NLRC5: variants seen among roughly 807,000 people sequenced by gnomAD.
NLRC5 encodes protein NLRC5.
In NLRC5, 114 loss-of-function variants were observed where a neutral mutation model predicts 206.9. The ratio of observed to expected loss-of-function variants is 0.55; its 90% confidence interval spans 0.47 to 0.64. The LOEUF is 0.64. Among genes scored for constraint, NLRC5 ranks in the 30% least tolerant of loss-of-function variants. The pLI, the probability that NLRC5 is intolerant of heterozygous loss-of-function variation, is 0.00. For synonymous variants in NLRC5, 952 were observed against 962.8 expected (o/e 0.99, Z 0.21); for missense variants, 2,008 against 2,305.5 (o/e 0.87, Z 2.64).
Position 57,077,348 on chromosome 16 carries a change from C to T in NLRC5, c.4888C>T (p.Leu1630=). Residue 1630 remains leucine, a synonymous_variant, in exon 41 of 49, where the codon CTG becomes TTG. Coordinates refer to ENST00000688547, the MANE Select transcript of NLRC5 (RefSeq NM_001384950.1). ...DAGVQHLATI[L]PGLPELRKID... ...TGGTGTCCAGCACTTAGCTACCATC[C>T]TGCCTGGGCTGCCAGAGCTCAGGAA... The T allele has an allele frequency of 1.9e-6, 3 of 1,614,048 alleles. No individual in the cohort carries two copies. The highest frequency in any genetic ancestry group is 2.5e-6 in the Non-Finnish European group (3 of 1,179,992).
intron 1 of NLRC5, among the ~76,000 whole-genome samples, chr16:57,010,399 C>T (rs752393650): frequency 1.3e-4 from 20 of 152,026 alleles, no homozygotes; most frequent in Non-Finnish European, 2.5e-4. Flanking sequence ...TTTTGACATG[C>T]GGTCTCACTC....
intron 5 of NLRC5, 64 bp from the exon 6 acceptor site, chr16:57,025,304 G>A: frequency 6.7e-7 from 1 of 1,501,016 alleles, no homozygotes; most frequent in Non-Finnish European, 8.9e-7. Context: ...CAATACTGGG[G>A]CAAGAAGACA....
intron 1 of NLRC5, chr16:57,013,620 G>C (rs1472509483): frequency 2.9e-6 from 3 of 1,048,746 alleles, no homozygotes; most frequent in Non-Finnish European, 4.5e-6. Flanking sequence ...GTCATTAACT[G>C]GGCCATTGTT....
chr16:56,994,708 AG>A (rs2057388344), intron 1 of NLRC5, among the ~76,000 whole-genome samples: 1 of 152,092 alleles, frequency 6.6e-6, no homozygotes, highest in African/African-American at 2.4e-5. Context: ...CTGGAGGAAG[AG>A]GGAACCAGTC....
In NLRC5 at chr16:57,047,648, C is replaced by G. The variant is rs1228318985; in HGVS notation, c.3422+20C>G. 3 of 1,598,342 alleles carry G rather than the reference C, an allele frequency of 1.9e-6. No homozygotes were observed. The highest frequency in any genetic ancestry group is 2.6e-6 in the Non-Finnish European group (3 of 1,169,028). On this transcript the variant is annotated intron_variant, in intron 23 of 48. Transcript: ENST00000688547. ...ACTGCAGTAAGTAACGAGGACACAGCCCCAGAGGGCACCATGTGGGGATCT... is the reference window on the plus strand; with the variant it reads ...ACTGCAGTAAGTAACGAGGACACAGGCCCAGAGGGCACCATGTGGGGATCT...
intron 42 of NLRC5, 56 bp from the exon 43 acceptor site, chr16:57,077,887 C>CG: frequency 6.2e-7 from 1 of 1,605,606 alleles, no homozygotes; most frequent in Non-Finnish European, 8.5e-7. Flanking sequence ...CAGGGCAGGG[C>CG]GGGGGTCCCG....
At chr16:56,998,637 G>T (rs2057907864) in intron 1 of NLRC5, among the ~76,000 whole-genome samples, 1 of 152,152 alleles carries the variant, frequency 6.6e-6, no homozygotes, top group Non-Finnish European at 1.5e-5. Flanking sequence ...CATGCTCTTA[G>T]CCTCTAAGTT....
chr16:57,053,811 G>A (rs1430039910), intron 24 of NLRC5, among the ~76,000 whole-genome samples: 1 of 152,176 alleles, frequency 6.6e-6, no homozygotes, highest in Non-Finnish European at 1.5e-5. Flanking sequence ...TTACAGGCAG[G>A]AGCCACTGCA....
intron 1 of NLRC5, among the ~76,000 whole-genome samples, chr16:57,000,017 C>T (rs1479957573): frequency 6.6e-6 from 1 of 152,192 alleles, no homozygotes; most frequent in East Asian, 1.9e-4. Flanking sequence ...GAGTGTGGCC[C>T]ATTGGGATTT....
intron 28 of NLRC5, 46 bp downstream of exon 28, chr16:57,058,194 C>T (rs1324574901): frequency 1.3e-6 from 2 of 1,518,448 alleles, no homozygotes; most frequent in Admixed American, 3.7e-5. Flanking sequence ...GAGGAAGGCT[C>T]CCCTAGGCCA....
rs539627567 is a variant in NLRC5 at position 57,020,829 on chromosome 16, G to T, written c.117G>T (p.Thr39=). Residue 39 remains threonine, a synonymous_variant, in exon 3 of 49, where the codon ACG becomes ACT. Coordinates refer to ENST00000688547, the MANE Select transcript of NLRC5 (RefSeq NM_001384950.1). ...AGATGAAGTTCTTCCTCCCCAACAC[G>T]GACCTGGATTCCAGGAACGAGACCT... The part of the protein sequence containing the change: ...NAKMKFFLPN[T]DLDSRNETLD... 4 of 1,613,338 alleles carry T rather than the reference G, an allele frequency of 2.5e-6. 1 individual carries two copies. The South Asian group carries it at 3.3e-5, about 13-fold the overall frequency.
intron 10 of NLRC5, among the ~76,000 whole-genome samples, chr16:57,030,936 A>C (rs947295364): frequency 1.1e-4 from 17 of 152,160 alleles, no homozygotes; most frequent in Admixed American, 5.9e-4. Flanking sequence ...TAGTCTCTAC[A>C]AAAAATGAAC....
intron 18 of NLRC5, 82 bp downstream of exon 18, chr16:57,041,656 G>C: frequency 8.8e-7 from 1 of 1,141,328 alleles, no homozygotes; most frequent in South Asian, 1.3e-5. Context: ...TGGTTTTTAA[G>C]ATTTAGATCA....
chr16:57,030,276 A>T (rs1358501186), intron 10 of NLRC5, among the ~76,000 whole-genome samples, 192 bp downstream of exon 10: 1 of 152,170 alleles, frequency 6.6e-6, no homozygotes, highest in Non-Finnish European at 1.5e-5. Flanking sequence ...GAATTAATGG[A>T]TGGATGAAAA....
intron 5 of NLRC5, 107 bp from the exon 6 acceptor site, chr16:57,025,261 A>G: frequency 6.8e-7 from 1 of 1,473,742 alleles, no homozygotes; most frequent in Non-Finnish European, 8.9e-7. Context: ...CCCATCATAC[A>G]TACACATCTG....
At chr16:57,016,767 G>A (rs139864361) in intron 1 of NLRC5, among the ~76,000 whole-genome samples, 5 of 152,304 alleles carry the variant, frequency 3.3e-5, no homozygotes, top group African/African-American at 7.2e-5. Flanking sequence ...GACTTGCAGG[G>A]CTCATTGTGA....
intron 1 of NLRC5, among the ~76,000 whole-genome samples, chr16:57,000,803 G>A (rs2058152868): frequency 1.3e-5 from 2 of 152,160 alleles, no homozygotes; most frequent in Admixed American, 1.3e-4. Flanking sequence ...TTGTGGGCGG[G>A]GGAGGAAATG....
intron 24 of NLRC5, 90 bp from the exon 25 acceptor site, chr16:57,054,661 A>T: frequency 1.2e-6 from 1 of 832,464 alleles, no homozygotes. Context: ...CTGAGCTGCT[A>T]GCCCTCCCCA....
In NLRC5 at chr16:57,055,067, A is replaced by T. The variant is rs2065436287; in HGVS notation, c.3632A>T (p.Asn1211Ile). Residue 1211 changes from asparagine to isoleucine, a missense_variant, in exon 26 of 49, where the codon AAC becomes ATC. Asn to Ile is a moderately radical substitution (Grantham distance 149). Transcript: ENST00000688547. Reference sequence around the variant, plus strand: ...CATGCAACTTTGCACTTCAGATCCAACGAGGAGGAGGAAGGCGTGTGCTGT... The same window carrying T: ...CATGCAACTTTGCACTTCAGATCCATCGAGGAGGAGGAAGGCGTGTGCTGT... The part of the protein sequence containing the change: ...LHHATLHFRS[N>I]EEEEGVCCGR... 2.5e-6 allele frequency: 4 copies of T among 1,614,218 alleles called. No individual in the cohort carries two copies. The South Asian group carries it at 4.4e-5, about 18-fold the overall frequency.
Sources: gnomAD v4.1 joint callset for allele counts (sites outside exome capture counted in the v4.1 genomes callset) on GRCh38, gnomAD v4.1.1 for gene constraint, MANE v1.5 for transcripts, NCBI Gene and HGNC (gene_info 2026-07-23, HGNC 2026-07-21) for gene names.